KMT2C: variants seen among roughly 807,000 people sequenced by gnomAD.
The protein encoded by KMT2C is histone-lysine N-methyltransferase 2C.
Under a neutral mutation model 507.9 loss-of-function variants are expected in KMT2C, and 88 were observed. The ratio of observed to expected loss-of-function variants is 0.17; its 90% CI spans 0.15 to 0.21. The LOEUF is 0.21. KMT2C is among the 10% of genes least tolerant of loss of function. The pLI is 1.00. For missense variants in KMT2C, 4,954 were observed against 5,957.8 expected, an observed-to-expected ratio of 0.83 and a Z score of 5.55; for synonymous variants, 2,049 against 2,080.8, an observed-to-expected ratio of 0.98 and a Z score of 0.42.
At chr7:152,408,283 A>G in intron 1 of KMT2C, among the ~76,000 whole-genome samples, 1 of 150,878 alleles carries the variant, frequency 6.6e-6, no homozygotes, top group East Asian at 2.0e-4. Context: ...GTGAGACTCC[A>G]TCTCAAAAAA....
Position 152,364,614 on chromosome 7 carries a change from A to AAAAAAAAAAAAAAG in KMT2C, c.162-5940_162-5939insCTTTTTTTTTTTTT, listed in dbSNP as rs1436145145. Among the ~76,000 whole-genome samples, 129 of 151,834 alleles carry AAAAAAAAAAAAAAG rather than the reference A, an allele frequency of 8.5e-4. 3 individuals carry two copies. The highest frequency in any genetic ancestry group is 3.0e-3 in the African/African-American group (125 of 41,242). ...ACAGAGCGAGACTCCGTCTCCAAAA[A>AAAAAAAAAAAAAAG]AAAAAAGAAAAGAAAAAAAGAAAAA... On this transcript the variant is annotated intron_variant, in intron 1 of 58. Coordinates refer to ENST00000262189, the MANE Select transcript of KMT2C (RefSeq NM_170606.3).
intron 23 of KMT2C, among the ~76,000 whole-genome samples, chr7:152,219,063 A>G (rs1297851097): frequency 6.6e-6 from 1 of 150,896 alleles, no homozygotes; most frequent in Non-Finnish European, 1.5e-5. Flanking sequence ...TCCGCCTCCC[A>G]GGTTCAAGCA....
At chr7:152,413,439 G>T (rs2097701955) in intron 1 of KMT2C, among the ~76,000 whole-genome samples, 1 of 152,060 alleles carries the variant, frequency 6.6e-6, no homozygotes. Flanking sequence ...TCATTCCAAA[G>T]AACCATCTAT....
intron 6 of KMT2C, among the ~76,000 whole-genome samples, chr7:152,305,094 T>C (rs1045163138): frequency 1.3e-5 from 2 of 152,118 alleles, no homozygotes; most frequent in Non-Finnish European, 2.9e-5. Flanking sequence ...AATGATTCCA[T>C]GAATGATCTT....
intron 6 of KMT2C, among the ~76,000 whole-genome samples, chr7:152,296,067 CAAAAAAAAAAAAA>C (rs34144566): frequency 2.2e-5 from 1 of 45,430 alleles, no homozygotes; most frequent in Non-Finnish European, 4.2e-5. Context: ...GACTCCGTCT[CAAAAAAAAAAAAA>C]AAAAAAAAAA....
chr7:152,367,076 CTG>C (rs2129238572), intron 1 of KMT2C: 2 of 736,790 alleles, frequency 2.7e-6, no homozygotes, highest in Admixed American at 4.5e-5. Context: ...AGTCAGAACT[CTG>C]TGCTGCATTT....
chr7:152,275,853 CTTATT>C (rs1264749831), intron 6 of KMT2C, among the ~76,000 whole-genome samples: 2 of 152,164 alleles, frequency 1.3e-5, no homozygotes, highest in African/African-American at 2.4e-5. Context: ...TCTAAAATCG[CTTATT>C]TTGATACCAT....
chr7:152,153,874 C>T, intron 48 of KMT2C, 136 bp downstream of exon 48: 2 of 820,950 alleles, frequency 2.4e-6, no homozygotes, highest in Non-Finnish European at 3.8e-6. Flanking sequence ...GAGAGGTCTG[C>T]AGTGAGCATC....
chr7:152,316,478 AAG>A, intron 3 of KMT2C, among the ~76,000 whole-genome samples: 1 of 152,304 alleles, frequency 6.6e-6, no homozygotes, highest in Non-Finnish European at 1.5e-5. Flanking sequence ...TACACTTACT[AAG>A]AGATCTTAGA....
At chr7:152,304,959 C>A (rs1392491651) in intron 6 of KMT2C, among the ~76,000 whole-genome samples, 2 of 152,192 alleles carry the variant, frequency 1.3e-5, no homozygotes, top group African/African-American at 2.4e-5. Flanking sequence ...CCTTCCCAAT[C>A]ATTTCTGTAG....
intron 1 of KMT2C, among the ~76,000 whole-genome samples, chr7:152,381,229 C>T (rs867398414): frequency 6.6e-6 from 1 of 151,940 alleles, no homozygotes; most frequent in East Asian, 1.9e-4. Flanking sequence ...ACGCCAATAA[C>T]ATTTATTTAG....
intron 52 of KMT2C, among the ~76,000 whole-genome samples, chr7:152,147,729 G>GAAA (rs1022769998): frequency 1.7e-5 from 2 of 114,702 alleles, no homozygotes; most frequent in African/African-American, 7.8e-5. Context: ...AAAAAAAAAA[G>GAAA]AAAAAGAAAA....
intron 1 of KMT2C, among the ~76,000 whole-genome samples, chr7:152,386,746 G>C (rs1198724063): frequency 6.6e-6 from 1 of 152,296 alleles, no homozygotes; most frequent in African/African-American, 2.4e-5. Context: ...AAGTCAGTAA[G>C]ACTGTATTTT....
chr7:152,319,076 T>G (rs1016321932), intron 3 of KMT2C, among the ~76,000 whole-genome samples: 1 of 152,158 alleles, frequency 6.6e-6, no homozygotes, highest in Admixed American at 6.5e-5. Flanking sequence ...GTTTCAAGCA[T>G]AAAATTACTT....
Position 152,144,674 on chromosome 7 carries a change from CCT to C in KMT2C, c.14343+37_14343+38del, listed in dbSNP as rs773482424. 55 of 1,584,222 alleles carry C rather than the reference CCT, an allele frequency of 3.5e-5. No homozygotes were observed. Among genetic ancestry groups the C allele is most frequent in the Non-Finnish European group, 4.7e-5 (54 of 1,157,876 alleles). Reference sequence around the variant, plus strand: ...ATAGCTTCAGATTGCTAGACTCCACCCTGTCTCTCCACTTCCTGTACACAAAG... The same window carrying C: ...ATAGCTTCAGATTGCTAGACTCCACCGTCTCTCCACTTCCTGTACACAAAG... On this transcript the variant is annotated intron_variant, in intron 55 of 58. Transcript: ENST00000262189. The surrounding 1 kb of genome is among the most constrained non-coding windows in gnomAD (Gnocchi z 4.4).
chr7:152,156,015 C>A lies in KMT2C; in HGVS notation c.11855G>T (p.Arg3952Ile), dbSNP rs752931579. ...LGPKPFQLPF[R>I]PQDDLLARAL... ...TCGGGCCAACAAGTCGTCCTGGGGT[C>A]TGAAGGGCAGCTGAAATGGTTTAGG... is the stretch of plus-strand genomic sequence containing the variant. Residue 3952 changes from arginine (R) to isoleucine (I), a missense_variant, in exon 46 of 59, where the codon AGA becomes ATA. Coordinates refer to ENST00000262189, the MANE Select transcript of KMT2C (RefSeq NM_170606.3). The A allele has an allele frequency of 3.7e-6, 6 of 1,606,214 alleles. No individual in the cohort carries two copies. The highest frequency in any genetic ancestry group is 4.2e-6 in the Non-Finnish European group (5 of 1,178,274).
chr7:152,347,513 TTTGCAACAC>T (rs1299169214), intron 2 of KMT2C, among the ~76,000 whole-genome samples: 1 of 152,202 alleles, frequency 6.6e-6, no homozygotes, highest in Non-Finnish European at 1.5e-5. Flanking sequence ...TAATCAGATA[TTTGCAACAC>T]TTGAGTTCAC....
chr7:152,375,942 C>A (rs1034482240), intron 1 of KMT2C, among the ~76,000 whole-genome samples: 1 of 152,012 alleles, frequency 6.6e-6, no homozygotes, highest in Non-Finnish European at 1.5e-5. Context: ...TCAGCCTCAT[C>A]GGTAGGTGGG....
chr7:152,376,205 C>T (rs1204936432), intron 1 of KMT2C, among the ~76,000 whole-genome samples: 1 of 152,188 alleles, frequency 6.6e-6, no homozygotes, highest in Non-Finnish European at 1.5e-5. Flanking sequence ...ATTAGCCATT[C>T]CCTATCTCTC....
Sources: allele counts gnomAD v4.1 joint callset (sites outside exome capture counted in the v4.1 genomes callset), GRCh38; gene constraint gnomAD v4.1.1; non-coding constraint Gnocchi (gnomAD v3.1); transcripts MANE v1.5; gene names NCBI Gene and HGNC (gene_info 2026-07-23, HGNC 2026-07-21).